BIRC6: variants seen among roughly 807,000 people sequenced by gnomAD.
BIRC6 encodes baculoviral IAP repeat containing 6.
Under a neutral mutation model 503.3 loss-of-function variants are expected in BIRC6, and 98 were observed. The observed-to-expected ratio is 0.19, with a 90% CI of 0.17 to 0.23. The LOEUF (loss-of-function observed/expected upper bound fraction) is 0.23. BIRC6 is among the 10% of genes least tolerant of loss of function. The probability of loss-of-function intolerance (pLI) is 1.00; values close to 1 mark genes in which losing one functional copy is unlikely to be tolerated. For missense variants in BIRC6, 5,360 were observed against 5,806.0 expected, an observed-to-expected ratio of 0.92 and a Z score of 2.50; for synonymous variants, 2,240 against 2,078.7, an observed-to-expected ratio of 1.08 and a Z score of -2.11.
At chr2:32,461,503 G>A (rs2047991196) in intron 23 of BIRC6, among the ~76,000 whole-genome samples, 1 of 151,622 alleles carries the variant, frequency 6.6e-6, no homozygotes, top group South Asian at 2.1e-4. Flanking sequence ...ACCATGCCTA[G>A]CCAATTGCTC....
chr2:32,451,837 T>C (rs984513601), intron 22 of BIRC6, among the ~76,000 whole-genome samples: 2 of 152,222 alleles, frequency 1.3e-5, no homozygotes, highest in African/African-American at 4.8e-5. Flanking sequence ...GTATGTAGAC[T>C]TTTCTCATGG....
chr2:32,439,077 A>G (rs1481303256), intron 15 of BIRC6, among the ~76,000 whole-genome samples: 2 of 152,142 alleles, frequency 1.3e-5, no homozygotes, highest in African/African-American at 4.8e-5. Context: ...TGCTATGTGT[A>G]TATGTGCACA....
intron 3 of BIRC6, among the ~76,000 whole-genome samples, chr2:32,382,364 C>T (rs1297101580): frequency 1.3e-5 from 2 of 152,132 alleles, no homozygotes; most frequent in East Asian, 3.8e-4. Context: ...ACAACCAAAC[C>T]AAAACAAAAT....
chr2:32,461,705 A>G (rs182189269), intron 23 of BIRC6, among the ~76,000 whole-genome samples: 70 of 152,146 alleles, frequency 4.6e-4, no homozygotes, highest in African/African-American at 1.6e-3. Context: ...CTGGCACAAT[A>G]TAGCCCTTGT....
chr2:32,537,022 A>G (rs1264009064), intron 61 of BIRC6, among the ~76,000 whole-genome samples: 1 of 152,172 alleles, frequency 6.6e-6, no homozygotes, highest in Admixed American at 6.5e-5. Context: ...TCTTTGAAGC[A>G]ATTGTGAATG....
chr2:32,500,540 A>G (rs867043784), intron 46 of BIRC6, among the ~76,000 whole-genome samples: 2 of 147,846 alleles, frequency 1.4e-5, no homozygotes, highest in Non-Finnish European at 3.0e-5. Context: ...GCCTCAGCCT[A>G]CCGAGTAGCT....
intron 65 of BIRC6, among the ~76,000 whole-genome samples, chr2:32,554,811 T>C (rs2058666188): frequency 6.6e-6 from 1 of 152,100 alleles, no homozygotes; most frequent in African/African-American, 2.4e-5. Context: ...ATTTCATAAG[T>C]ATACTGTTTG....
chr2:32,550,336 T>C (rs963303615), intron 65 of BIRC6, among the ~76,000 whole-genome samples: 1 of 152,148 alleles, frequency 6.6e-6, no homozygotes, highest in Non-Finnish European at 1.5e-5. Context: ...AATATTAGTA[T>C]TTCAAGGGAT....
chr2:32,519,644 T>C lies in BIRC6; in HGVS notation c.11623+698T>C, dbSNP rs990504079. Among the ~76,000 whole-genome samples, 68 of 152,138 alleles carry C rather than the reference T, an allele frequency of 4.5e-4. 2 individuals carry two copies. The highest frequency in any genetic ancestry group is 2.9e-5 in the Non-Finnish European group (2 of 68,032). ...AATTCTCCTGCCTCAGCCTCCTGAG[T>C]AGCTGGCATTACAGGCATGTGCCAC... On this transcript the variant is annotated intron_variant, in intron 57 of 73. Transcript: ENST00000421745.
At chr2:32,550,676 A>C (rs2058364192) in intron 65 of BIRC6, among the ~76,000 whole-genome samples, 1 of 152,166 alleles carries the variant, frequency 6.6e-6, no homozygotes, top group Non-Finnish European at 1.5e-5. Context: ...CCTACCAAAA[A>C]TTTTAAATTT....
intron 61 of BIRC6, among the ~76,000 whole-genome samples, chr2:32,537,044 A>C (rs538473037): frequency 1.5e-4 from 23 of 152,194 alleles, no homozygotes; most frequent in Non-Finnish European, 2.6e-4. Context: ...GAGTTCACTC[A>C]TGATTTGGCT....
At chr2:32,412,600 A>G (rs1175533421) in intron 9 of BIRC6, among the ~76,000 whole-genome samples, 1 of 152,216 alleles carries the variant, frequency 6.6e-6, no homozygotes, top group Non-Finnish European at 1.5e-5. Context: ...ATAATACAGA[A>G]GACACTGAAT....
intron 49 of BIRC6, among the ~76,000 whole-genome samples, chr2:32,504,156 C>A (rs1426962835): frequency 2.6e-5 from 4 of 151,766 alleles, no homozygotes; most frequent in African/African-American, 4.8e-5. Context: ...ACCTTGGCCT[C>A]CCAAAGTGTT....
intron 6 of BIRC6, among the ~76,000 whole-genome samples, chr2:32,399,271 A>T (rs990800860): frequency 6.6e-6 from 1 of 152,162 alleles, no homozygotes; most frequent in Non-Finnish European, 1.5e-5. Context: ...TTTTTAGTAG[A>T]GATGGGGTTT....
rs1477286525 is a variant in BIRC6 at position 32,423,324 on chromosome 2, A to G, written c.2873-5822A>G. ...GTGTTAAATATATATAATGAGGTTT[A>G]CTATTTTAACTGTTTTACAGCATGT... On this transcript the variant is annotated intron_variant, in intron 10 of 73. Coordinates refer to ENST00000421745, the MANE Select transcript of BIRC6 (RefSeq NM_016252.4). Among the ~76,000 whole-genome samples the G allele has an allele frequency of 2.0e-5, 3 of 152,200 alleles. No homozygotes were observed. In the East Asian group the frequency reaches 5.8e-4, roughly 29 times the overall value.
At chr2:32,373,476 T>C (rs1035185741) in intron 1 of BIRC6, among the ~76,000 whole-genome samples, 4 of 152,142 alleles carry the variant, frequency 2.6e-5, no homozygotes, top group Non-Finnish European at 5.9e-5. Flanking sequence ...AGACCATTCA[T>C]TGGGGGAAGC....
intron 55 of BIRC6, among the ~76,000 whole-genome samples, chr2:32,517,818 A>G (rs565162905): frequency 6.6e-6 from 1 of 152,270 alleles, no homozygotes; most frequent in South Asian, 2.1e-4. Context: ...CTGGGCTCAA[A>G]TGATCTCTTC....
intron 65 of BIRC6, among the ~76,000 whole-genome samples, chr2:32,553,019 TAA>T (rs74670138): frequency 1.6e-4 from 23 of 141,664 alleles, no homozygotes; most frequent in Non-Finnish European, 1.4e-4. Context: ...TTATCTCTAC[TAA>T]AAAAAAAAAA....
chr2:32,395,992 C>T (rs572236657), intron 6 of BIRC6, among the ~76,000 whole-genome samples: 41 of 152,222 alleles, frequency 2.7e-4, no homozygotes, highest in Admixed American at 2.3e-3. Flanking sequence ...TCTTTGATGT[C>T]TCTGAATTTT....
Sources: gnomAD v4.1 joint callset for allele counts (sites outside exome capture counted in the v4.1 genomes callset) on GRCh38, gnomAD v4.1.1 for gene constraint, MANE v1.5 for transcripts, NCBI Gene and HGNC (gene_info 2026-07-23, HGNC 2026-07-21) for gene names.